The following RYR2 variants were observed in gnomAD, a reference collection of about 807,000 sequenced individuals.
RYR2 encodes ryanodine receptor 2.
RYR2 carries 227 observed loss-of-function variants against 601.1 expected under a neutral mutation model. The ratio of observed to expected loss-of-function variants is 0.38; its 90% CI spans 0.34 to 0.42. The LOEUF (loss-of-function observed/expected upper bound fraction) is 0.42. Ranked by LOEUF, RYR2 falls within the 10% of genes least tolerant of loss-of-function variation. RYR2 has a pLI of 1.00. For synonymous variants in RYR2, 2,223 were observed against 2,175.1 expected, an observed-to-expected ratio of 1.02 and a Z score of -0.61; for missense variants, 4,646 against 6,156.5, an observed-to-expected ratio of 0.75 and a Z score of 8.21.
chr1:237,374,848 T>C, intron 7 of RYR2, 53 bp downstream of exon 7: 3 of 1,410,684 alleles, frequency 2.1e-6, no homozygotes, highest in Non-Finnish European at 3.0e-6. Context: ...CTGCAGGGGT[T>C]GGATTGGAAG....
At chr1:237,130,689 C>G (rs1306196096) in intron 1 of RYR2, among the ~76,000 whole-genome samples, 1 of 126,844 alleles carries the variant, frequency 7.9e-6, no homozygotes, top group Non-Finnish European at 1.8e-5. Context: ...GAGCGAGACT[C>G]TGTCTCAAAA....
intron 79 of RYR2, among the ~76,000 whole-genome samples, chr1:237,738,028 A>G (rs1573742951): frequency 6.6e-6 from 1 of 151,664 alleles, no homozygotes; most frequent in Admixed American, 6.6e-5. Flanking sequence ...AAAAATTAGC[A>G]TCCCAGTTGT....
intron 1 of RYR2, among the ~76,000 whole-genome samples, chr1:237,047,213 C>T (rs1660700593): frequency 6.6e-6 from 1 of 152,122 alleles, no homozygotes; most frequent in African/African-American, 2.4e-5. Flanking sequence ...TAGATTTAAA[C>T]CCACTTTTCC....
chr1:237,650,075 G>T lies in RYR2; in HGVS notation c.7711G>T (p.Val2571Phe). 2 of 1,613,940 alleles carry T rather than the reference G, an allele frequency of 1.2e-6. No individual in the cohort carries two copies. The highest frequency in any genetic ancestry group is 2.2e-5 in the East Asian group (1 of 44,890). ...LTKAQRDSIEVCLLSICGQLR... is the reference protein window; with the variant it reads ...LTKAQRDSIEFCLLSICGQLR... ...CAAAGCTCAGCGGGATTCCATAGAA[G>T]TTTGTTTACTCTCTATTTGTGGGTG... Residue 2571 changes from valine (V) to phenylalanine (F), a missense_variant, in exon 50 of 105, where the codon GTT (valine) becomes TTT (phenylalanine). Physicochemically the swap from Val to Phe is conservative, Grantham distance 50. This residue lies in a region of RYR2 where 1,497 missense variants were observed against 1,842.6 expected (regional missense o/e 0.81). Transcript: ENST00000366574.
intron 1 of RYR2, among the ~76,000 whole-genome samples, chr1:237,083,343 A>C (rs1488621750): frequency 6.6e-6 from 1 of 152,212 alleles, no homozygotes; most frequent in African/African-American, 2.4e-5. Flanking sequence ...GTATGTGCTT[A>C]GTGGTTCTCA....
chr1:237,830,266 C>A, intron 102 of RYR2: 1 of 345,506 alleles, frequency 2.9e-6, no homozygotes, highest in Non-Finnish European at 5.5e-6. Flanking sequence ...AGAGACGTTG[C>A]TTTTCAGCCA....
intron 24 of RYR2, among the ~76,000 whole-genome samples, chr1:237,518,878 A>G (rs1666819700): frequency 1.3e-5 from 2 of 152,146 alleles, no homozygotes; most frequent in Admixed American, 6.5e-5. Flanking sequence ...ATTCCCACCA[A>G]CAGTGCATAA....
intron 2 of RYR2, among the ~76,000 whole-genome samples, chr1:237,330,316 G>C (rs146528566): frequency 1.3e-5 from 2 of 152,336 alleles, no homozygotes; most frequent in African/African-American, 2.4e-5. Flanking sequence ...ATCAGAGTAA[G>C]CTGTGTCTCC....
intron 68 of RYR2, 150 bp downstream of exon 68, chr1:237,707,419 T>C (rs1688472304): frequency 2.0e-6 from 1 of 504,290 alleles, no homozygotes. Flanking sequence ...TTTTTTAATG[T>C]AGATAAAAAC....
At chr1:237,560,097 G>A (rs995172419) in intron 27 of RYR2, among the ~76,000 whole-genome samples, 1 of 152,208 alleles carries the variant, frequency 6.6e-6, no homozygotes, top group African/African-American at 2.4e-5. Context: ...GAGCCTCAAG[G>A]TCTTTCAGAG....
intron 3 of RYR2, among the ~76,000 whole-genome samples, chr1:237,341,317 T>C (rs1413134200): frequency 6.6e-6 from 1 of 152,202 alleles, no homozygotes; most frequent in Non-Finnish European, 1.5e-5. Flanking sequence ...CTTAAAGATA[T>C]GTGGAACCTA....
At chr1:237,477,371 C>G (rs1198460452) in intron 17 of RYR2, among the ~76,000 whole-genome samples, 2 of 152,118 alleles carry the variant, frequency 1.3e-5, no homozygotes, top group Admixed American at 1.3e-4. Context: ...AGCCTGGTGA[C>G]AGAGTAAGAC....
chr1:237,506,711 T>C lies in RYR2; in HGVS notation c.2615T>C (p.Ile872Thr), dbSNP rs749607906. The C allele has an allele frequency of 5.6e-6, 9 of 1,606,292 alleles. No homozygotes were observed. Among genetic ancestry groups the C allele is most frequent in the Non-Finnish European group, 7.6e-6 (9 of 1,176,968 alleles). Reference sequence around the variant, plus strand: ...CTTTTTTCTTTTTGTAAATTTTAGATCGTGTTGCCTCCTCATCTAGAAAGA... The same window carrying C: ...CTTTTTTCTTTTTGTAAATTTTAGACCGTGTTGCCTCCTCATCTAGAAAGA... ...FTPIPVDTSQ[I>T]VLPPHLERIR... The change falls in exon 23 of 105, where the codon ATC becomes ACC. Residue 872 changes from isoleucine (I) to threonine (T), a missense_variant and splice_region_variant. Physicochemically the swap from Ile to Thr is moderately conservative, Grantham distance 89 (BLOSUM62 -1). This residue lies in a region of RYR2 where 1,807 missense variants were observed against 2,088.1 expected (regional missense o/e 0.87). Transcript: ENST00000366574.
intron 24 of RYR2, among the ~76,000 whole-genome samples, chr1:237,526,171 T>A (rs1185437727): frequency 6.6e-6 from 1 of 152,222 alleles, no homozygotes; most frequent in Admixed American, 6.5e-5. Context: ...CCACATCTTT[T>A]ATTTTTTGAC....
chr1:237,758,572 C>T (rs1393650343), intron 82 of RYR2, among the ~76,000 whole-genome samples: 2 of 152,058 alleles, frequency 1.3e-5, no homozygotes, highest in South Asian at 2.1e-4. Context: ...TATATATATG[C>T]ATATGTGCAT....
chr1:237,686,254 T>G (rs900490168), intron 62 of RYR2, among the ~76,000 whole-genome samples: 1 of 152,150 alleles, frequency 6.6e-6, no homozygotes, highest in Non-Finnish European at 1.5e-5. Flanking sequence ...ATCTTCAAGG[T>G]TAGATTTTCT....
chr1:237,204,844 G>A (rs143706296), intron 1 of RYR2, among the ~76,000 whole-genome samples: 169 of 152,320 alleles, frequency 1.1e-3, no homozygotes, highest in Admixed American at 3.7e-3. Flanking sequence ...GAGCTGTAGG[G>A]ATGTGGTGAT....
At chr1:237,576,303 TC>T (rs1673213747) in intron 29 of RYR2, among the ~76,000 whole-genome samples, 1 of 152,192 alleles carries the variant, frequency 6.6e-6, no homozygotes, top group Admixed American at 6.5e-5. Context: ...TAAAATATCT[TC>T]TGTCTAAAAG....
chr1:237,548,597 G>T lies in RYR2; in HGVS notation c.3066+7G>T. 1 of 1,613,038 alleles carries T rather than the reference G, an allele frequency of 6.2e-7. No individual in the cohort carries two copies. Among genetic ancestry groups the T allele is most frequent in the Non-Finnish European group, 8.5e-7 (1 of 1,179,396 alleles). ...GACTTATGGCATCCAACAGGTACAT[G>T]GGAATTAGCATTTGGTCTGAGACTT... On this transcript the variant is annotated splice_region_variant and intron_variant, in intron 26 of 104. Transcript: ENST00000366574.
Sources: gnomAD v4.1 joint callset for allele counts (sites outside exome capture counted in the v4.1 genomes callset) on GRCh38, gnomAD v4.1.1 for gene constraint, gnomAD v4.1.1 regional missense constraint, MANE v1.5 for transcripts, NCBI Gene and HGNC (gene_info 2026-07-23, HGNC 2026-07-21) for gene names.